Variants in FLI1 observed in about 807,000 individuals in gnomAD.
FLI1 encodes the protein Fli-1 proto-oncogene, ETS transcription factor, also known as Friend leukemia integration 1 transcription factor.
In FLI1, 13 loss-of-function variants were observed where a neutral mutation model predicts 53.1. The ratio of observed to expected loss-of-function variants is 0.24; its 90% CI spans 0.16 to 0.39. FLI1 has a LOEUF of 0.39. Among genes scored for constraint, FLI1 ranks in the 10% least tolerant of loss-of-function variants. FLI1 has a pLI of 1.00. For synonymous variants in FLI1, 244 were observed against 236.7 expected (o/e 1.03, Z -0.28); for missense variants, 424 against 600.5 (o/e 0.71, Z 3.07).
chr11:128,749,745 G>A (rs369029288), intron 1 of FLI1, among the ~76,000 whole-genome samples: 83 of 152,324 alleles, frequency 5.4e-4, no homozygotes, highest in African/African-American at 1.7e-3. Context: ...ACTGACTAAT[G>A]TTTCCCACCT....
intron 4 of FLI1, among the ~76,000 whole-genome samples, chr11:128,773,976 G>A (rs1012203331): frequency 1.3e-5 from 2 of 152,044 alleles, no homozygotes; most frequent in Non-Finnish European, 2.9e-5. Flanking sequence ...TTTAGCTTTG[G>A]GCAGGGGCTT....
At chr11:128,777,716 A>G (rs536182931) in intron 4 of FLI1, among the ~76,000 whole-genome samples, 1 of 152,350 alleles carries the variant, frequency 6.6e-6, no homozygotes, top group East Asian at 1.9e-4. Context: ...AGAGCTGTTG[A>G]TATAGCAGTG....
intron 2 of FLI1, among the ~76,000 whole-genome samples, chr11:128,760,777 C>T (rs535513791): frequency 1.3e-5 from 2 of 152,188 alleles, no homozygotes; most frequent in African/African-American, 4.8e-5. Context: ...CCGCCTGCCT[C>T]GGCCTCCCAA....
chr11:128,714,848 A>AGG (rs201121810), intron 1 of FLI1, among the ~76,000 whole-genome samples: 1,873 of 151,640 alleles, frequency 0.012, 40 homozygotes, highest in African/African-American at 0.043. Flanking sequence ...AGCTTGGACT[A>AGG]CAGGCACGCA....
At chr11:128,790,220 C>T (rs1180701880) in intron 5 of FLI1, among the ~76,000 whole-genome samples, 2 of 149,538 alleles carry the variant, frequency 1.3e-5, no homozygotes, top group African/African-American at 5.0e-5. Context: ...AATGTTCTGT[C>T]TGCTTTCTAT....
At chr11:128,725,083 G>C (rs896324623) in intron 1 of FLI1, among the ~76,000 whole-genome samples, 4 of 152,096 alleles carry the variant, frequency 2.6e-5, no homozygotes, top group African/African-American at 9.7e-5. Flanking sequence ...AACTATAATT[G>C]ACCACCACAA....
intron 5 of FLI1, among the ~76,000 whole-genome samples, chr11:128,783,987 A>AAGGAAGGGAGGGAAGG (rs1248013916): frequency 1.3e-5 from 2 of 151,774 alleles, no homozygotes; most frequent in Non-Finnish European, 2.9e-5. Context: ...GGCTATAAGG[A>AAGGAAGGGAGGGAAGG]AGGAAGGGAG....
chr11:128,729,299 C>A (rs1939604130), intron 1 of FLI1, among the ~76,000 whole-genome samples: 2 of 152,186 alleles, frequency 1.3e-5, no homozygotes, highest in African/African-American at 4.8e-5. Flanking sequence ...ATTTATCTCA[C>A]AGGTGGGAGG....
At chr11:128,761,811 G>A (rs542784744) in intron 2 of FLI1, among the ~76,000 whole-genome samples, 1 of 152,300 alleles carries the variant, frequency 6.6e-6, no homozygotes, top group East Asian at 1.9e-4. Flanking sequence ...GAATATTCCA[G>A]TGAACAGACA....
At chr11:128,792,885 G>A (rs1382040707) in intron 5 of FLI1, among the ~76,000 whole-genome samples, 1 of 152,132 alleles carries the variant, frequency 6.6e-6, no homozygotes. Context: ...GGAAACCCAA[G>A]GTGAGAGGAT....
intron 1 of FLI1, among the ~76,000 whole-genome samples, chr11:128,734,371 T>C (rs1476589320): frequency 6.6e-6 from 1 of 152,208 alleles, no homozygotes; most frequent in Non-Finnish European, 1.5e-5. Context: ...TTCTCGTGCG[T>C]GTGCAGAGAC....
intron 1 of FLI1, among the ~76,000 whole-genome samples, chr11:128,709,078 G>A (rs1938677150): frequency 6.6e-6 from 1 of 152,208 alleles, no homozygotes; most frequent in African/African-American, 2.4e-5. Flanking sequence ...CTGAAGTTTG[G>A]AAATCTAGGT....
intron 1 of FLI1, among the ~76,000 whole-genome samples, chr11:128,699,551 T>C (rs1044397953): frequency 2.0e-5 from 3 of 152,314 alleles, no homozygotes; most frequent in African/African-American, 7.2e-5. Context: ...TATACAGGTG[T>C]CTTTTCCTCT....
chr11:128,755,758 C>T (rs1940832684), intron 1 of FLI1, among the ~76,000 whole-genome samples: 2 of 152,124 alleles, frequency 1.3e-5, no homozygotes, highest in Admixed American at 6.5e-5. Context: ...TAGGGAGATC[C>T]CCTCGGTTGG....
chr11:128,793,964 G>T (rs1430101459), intron 5 of FLI1, among the ~76,000 whole-genome samples: 1 of 152,162 alleles, frequency 6.6e-6, no homozygotes, highest in Non-Finnish European at 1.5e-5. Flanking sequence ...TGAGTGCTTG[G>T]CAGGGTAGAG....
chr11:128,699,303 G>A (rs1938221289), intron 1 of FLI1, among the ~76,000 whole-genome samples: 1 of 152,128 alleles, frequency 6.6e-6, no homozygotes, highest in African/African-American at 2.4e-5. Context: ...CCAGTACTAA[G>A]TTACCCCCAG....
chr11:128,728,789 C>A (rs757570474), intron 1 of FLI1, among the ~76,000 whole-genome samples: 1 of 152,216 alleles, frequency 6.6e-6, no homozygotes, highest in Non-Finnish European at 1.5e-5. Flanking sequence ...ATCAGGTAAA[C>A]CTGCCTTGGC....
At chr11:128,704,037 A>G (rs1938453731) in intron 1 of FLI1, among the ~76,000 whole-genome samples, 1 of 152,104 alleles carries the variant, frequency 6.6e-6, no homozygotes, top group East Asian at 1.9e-4. Context: ...CTCTATCCCA[A>G]ACTAGCTATG....
rs896138642 is a variant in FLI1, at chr11:128,811,920, G to A, written c.*932G>A. The A allele has an allele frequency of 1.5e-5, 3 of 198,926 alleles. No individual in the cohort carries two copies. Among genetic ancestry groups the A allele is most frequent in the South Asian group, 1.9e-4 (1 of 5,224 alleles). 12.3% of individuals were successfully genotyped at this position (198,926 alleles called of 1,614,324 possible). A position where few individuals can be genotyped will look rare whatever the true frequency, so the allele number is the denominator to read the frequency against. On this transcript the variant is annotated 3_prime_UTR_variant, in exon 9 of 9. Coordinates refer to ENST00000527786, the MANE Select transcript of FLI1 (RefSeq NM_002017.5). ...AAGAATAAATAAACGAGTTGACCTCGGTCACAAAAGCAGTTTTACTATCGA... is the reference window on the plus strand; with the variant it reads ...AAGAATAAATAAACGAGTTGACCTCAGTCACAAAAGCAGTTTTACTATCGA...
Sources: gnomAD v4.1 joint callset for allele counts (sites outside exome capture counted in the v4.1 genomes callset) on GRCh38, gnomAD v4.1.1 for gene constraint, MANE v1.5 for transcripts, NCBI Gene and HGNC (gene_info 2026-07-23, HGNC 2026-07-21) for gene names.